The following SDK1 variants were observed in gnomAD, a reference collection of about 807,000 sequenced individuals.
SDK1 encodes the protein protein sidekick-1.
SDK1 carries 157 observed loss-of-function variants against 245.5 expected under a neutral mutation model. The observed-to-expected ratio is 0.64, with a 90% CI of 0.56 to 0.73. The LOEUF is 0.73. Among genes scored for constraint, SDK1 ranks in the 30% least tolerant of loss-of-function variants. The pLI is 0.00. For missense variants in SDK1, 3,583 were observed against 3,002.3 expected, an observed-to-expected ratio of 1.19 and a Z score of -4.52; for synonymous variants, 1,647 against 1,278.5, an observed-to-expected ratio of 1.29 and a Z score of -6.15.
intron 4 of SDK1, among the ~76,000 whole-genome samples, chr7:3,693,889 G>A (rs1357878486): frequency 2.0e-5 from 3 of 152,078 alleles, no homozygotes; most frequent in African/African-American, 4.8e-5. Context: ...CTGCACATTT[G>A]TCTCTGCCTT....
intron 1 of SDK1, among the ~76,000 whole-genome samples, chr7:3,364,896 G>A (rs1047148085): frequency 6.6e-6 from 1 of 152,108 alleles, no homozygotes; most frequent in African/African-American, 2.4e-5. Context: ...TCCAATCTAT[G>A]AACATGGTAT....
chr7:3,546,651 C>T (rs1238334480), intron 1 of SDK1, among the ~76,000 whole-genome samples: 1 of 151,712 alleles, frequency 6.6e-6, no homozygotes, highest in Non-Finnish European at 1.5e-5. Context: ...TGGTGGGCTG[C>T]CCAGGGGGGA....
At chr7:3,445,410 G>C (rs982700519) in intron 1 of SDK1, among the ~76,000 whole-genome samples, 2 of 152,160 alleles carry the variant, frequency 1.3e-5, no homozygotes, top group Admixed American at 6.5e-5. Context: ...AAATTGTGCT[G>C]TCTCTCCCCT....
At chr7:3,513,052 G>A (rs1020659779) in intron 1 of SDK1, among the ~76,000 whole-genome samples, 6 of 152,118 alleles carry the variant, frequency 3.9e-5, no homozygotes, top group Non-Finnish European at 5.9e-5. Context: ...GACTGGTTTG[G>A]AGAACAGAGA....
At chr7:3,553,913 G>A (rs1250749573) in intron 1 of SDK1, among the ~76,000 whole-genome samples, 2 of 152,170 alleles carry the variant, frequency 1.3e-5, no homozygotes, top group Non-Finnish European at 2.9e-5. Flanking sequence ...AGGGACCCGT[G>A]GGAGCCCCCA....
In SDK1 at chr7:3,603,607, A is replaced by G. The variant is rs149760169; in HGVS notation, c.299-15473A>G. Among the ~76,000 whole-genome samples the G allele has an allele frequency of 7.5e-3, 1,147 of 152,268 alleles. 19 individuals are homozygous for G. Among genetic ancestry groups the G allele is most frequent in the African/African-American group, 0.026 (1,074 of 41,552 alleles). ...GCTGAGACGATGGGGTTTTCTAGATATACAATCATGTCGTCTGCAAACAGG... is the reference window on the plus strand; with the variant it reads ...GCTGAGACGATGGGGTTTTCTAGATGTACAATCATGTCGTCTGCAAACAGG... On this transcript the variant is annotated intron_variant, in intron 1 of 44. Transcript: ENST00000404826.
intron 1 of SDK1, among the ~76,000 whole-genome samples, chr7:3,594,224 A>C (rs760613582): frequency 1.3e-5 from 2 of 152,172 alleles, no homozygotes; most frequent in Non-Finnish European, 2.9e-5. Context: ...TTTGTCACTG[A>C]CTTGTTTCAC....
intron 5 of SDK1, among the ~76,000 whole-genome samples, chr7:3,903,961 C>T (rs1243211831): frequency 6.6e-6 from 1 of 152,150 alleles, no homozygotes; most frequent in Non-Finnish European, 1.5e-5. Flanking sequence ...ACACGAGACA[C>T]CCCTTCCCCT....
chr7:3,977,583 C>T (rs1783050924), intron 13 of SDK1, among the ~76,000 whole-genome samples: 1 of 152,250 alleles, frequency 6.6e-6, no homozygotes, highest in South Asian at 2.1e-4. Context: ...CCGTGGGCTT[C>T]CCCGGAGGTC....
At chr7:3,783,360 T>C (rs1780805414) in intron 4 of SDK1, among the ~76,000 whole-genome samples, 1 of 151,344 alleles carries the variant, frequency 6.6e-6, no homozygotes, top group African/African-American at 2.4e-5. Context: ...CTCACCAGAG[T>C]AGTTAGGCAA....
intron 5 of SDK1, among the ~76,000 whole-genome samples, chr7:3,903,428 G>A (rs1221727236): frequency 1.3e-5 from 2 of 152,090 alleles, no homozygotes; most frequent in Admixed American, 6.5e-5. Flanking sequence ...TTACAGGCAC[G>A]AGCCACCGCG....
intron 1 of SDK1, among the ~76,000 whole-genome samples, chr7:3,604,660 T>C (rs1464077144): frequency 1.3e-5 from 2 of 148,474 alleles, no homozygotes; most frequent in Admixed American, 6.9e-5. Flanking sequence ...TGGAGTGCAA[T>C]GGTGTGATCT....
At chr7:3,911,505 G>T (rs1779161131) in intron 5 of SDK1, among the ~76,000 whole-genome samples, 1 of 152,112 alleles carries the variant, frequency 6.6e-6, no homozygotes, top group South Asian at 2.1e-4. Flanking sequence ...GGCTTCCTCA[G>T]GCTACCTGAG....
At position 3,903,383 on chromosome 7, in the gene SDK1, T is replaced by C. The variant is rs139936562; in HGVS notation, c.848-47540T>C. ...TGGTCTCGATCATCTGCTGACCTTG[T>C]GATCCGCCCACCTCGGCCTCCCAAA... On this transcript the variant is annotated intron_variant, in intron 5 of 44. Coordinates refer to ENST00000404826, the MANE Select transcript of SDK1 (RefSeq NM_152744.4). Among the ~76,000 whole-genome samples, 1,017 of 152,212 alleles carry C rather than the reference T, an allele frequency of 6.7e-3. 12 individuals carry two copies. The highest frequency in any genetic ancestry group is 0.023 in the African/African-American group (970 of 41,542).
At chr7:3,754,098 C>G (rs1779851517) in intron 4 of SDK1, among the ~76,000 whole-genome samples, 1 of 152,194 alleles carries the variant, frequency 6.6e-6, no homozygotes, top group South Asian at 2.1e-4. Flanking sequence ...ATTAGCCAGT[C>G]ACTCCAGGAG....
chr7:3,354,126 G>A (rs1780732381), intron 1 of SDK1, among the ~76,000 whole-genome samples: 1 of 151,624 alleles, frequency 6.6e-6, no homozygotes, highest in Admixed American at 6.6e-5. Context: ...AGCCTCCCAA[G>A]TAGCTGGGAC....
intron 22 of SDK1, among the ~76,000 whole-genome samples, chr7:4,089,199 GGTGGAGGTGAGACCCTCCCTCAA>G (rs1219855144): frequency 5.9e-5 from 9 of 152,096 alleles, no homozygotes; most frequent in African/African-American, 1.2e-4. Context: ...AGGTCTCTCA[GGTGGAGGTGAGACCCTCCCTCAA>G]GTGGAGGTGA....
chr7:3,725,693 C>G (rs930091836), intron 4 of SDK1, among the ~76,000 whole-genome samples: 2 of 152,144 alleles, frequency 1.3e-5, no homozygotes, highest in African/African-American at 4.8e-5. Flanking sequence ...GAGCCCCAGC[C>G]GTAAGTGGAC....
chr7:3,812,942 C>A (rs950845446), intron 4 of SDK1, among the ~76,000 whole-genome samples: 3 of 152,114 alleles, frequency 2.0e-5, no homozygotes, highest in Non-Finnish European at 4.4e-5. Context: ...CAAATTCTTT[C>A]TTCTTTTGCT....
Sources: allele counts gnomAD v4.1 joint callset (sites outside exome capture counted in the v4.1 genomes callset), GRCh38; gene constraint gnomAD v4.1.1; transcripts MANE v1.5; gene names NCBI Gene and HGNC (gene_info 2026-07-23, HGNC 2026-07-21).